Variants in ARAP2 observed in about 807,000 individuals in gnomAD.
The protein encoded by ARAP2 is arf-GAP with Rho-GAP domain, ANK repeat and PH domain-containing protein 2.
ARAP2 carries 148 observed loss-of-function variants against 194.5 expected under a neutral mutation model. The ratio of observed to expected loss-of-function variants is 0.76; its 90% CI spans 0.67 to 0.87. The LOEUF (loss-of-function observed/expected upper bound fraction) is 0.87, where lower values mean the gene tolerates loss of function less well. ARAP2 is among the 40% of genes least tolerant of loss of function. The probability of loss-of-function intolerance (pLI) is 0.00; values close to 1 mark genes in which losing one functional copy is unlikely to be tolerated. For synonymous variants in ARAP2, 695 were observed against 683.5 expected, an observed-to-expected ratio of 1.02 and a Z score of -0.26; for missense variants, 2,128 against 1,989.7, an observed-to-expected ratio of 1.07 and a Z score of -1.32.
intron 2 of ARAP2, among the ~76,000 whole-genome samples, chr4:36,055,481 C>T (rs1723334977): frequency 6.6e-6 from 1 of 152,162 alleles, no homozygotes; most frequent in South Asian, 2.1e-4. Context: ...TGTCTAATTT[C>T]CTGATTCAAC....
intron 3 of ARAP2, chr4:36,046,981 A>G (rs1272754445): frequency 6.6e-6 from 1 of 152,240 alleles, no homozygotes; most frequent in Non-Finnish European, 1.5e-5. Context: ...AGAAGCATAT[A>G]TTCCGGGTGC....
At chr4:36,190,099 G>C (rs542492757) in intron 7 of ARAP2, among the ~76,000 whole-genome samples, 1 of 152,264 alleles carries the variant, frequency 6.6e-6, no homozygotes, top group African/African-American at 2.4e-5. Context: ...CAGTGCCTTT[G>C]CATACACTGT....
intron 32 of ARAP2, among the ~76,000 whole-genome samples, chr4:36,071,921 A>G (rs1035121560): frequency 6.6e-6 from 1 of 151,716 alleles, no homozygotes; most frequent in Admixed American, 6.6e-5. Flanking sequence ...TCATTGTTCA[A>G]TTCCCACCTA....
At chr4:36,136,112 C>G (rs904435925) in intron 19 of ARAP2, among the ~76,000 whole-genome samples, 1 of 151,798 alleles carries the variant, frequency 6.6e-6, no homozygotes, top group Non-Finnish European at 1.5e-5. Flanking sequence ...GGTGCACTAA[C>G]TTTCCTCTCT....
chr4:36,110,634 C>T (rs1453653466), intron 26 of ARAP2, among the ~76,000 whole-genome samples: 4 of 151,782 alleles, frequency 2.6e-5, no homozygotes, highest in Non-Finnish European at 5.9e-5. Flanking sequence ...ATGTATATTT[C>T]ATACCAATGT....
chr4:36,089,414 T>C (rs1712904560), intron 28 of ARAP2, among the ~76,000 whole-genome samples: 1 of 152,140 alleles, frequency 6.6e-6, no homozygotes, highest in Admixed American at 6.6e-5. Flanking sequence ...CTTATGAACA[T>C]TCTTGTACAA....
intron 31 of ARAP2, among the ~76,000 whole-genome samples, chr4:36,077,886 T>G (rs966431069): frequency 8.5e-5 from 13 of 152,134 alleles, no homozygotes; most frequent in Non-Finnish European, 2.9e-5. Flanking sequence ...GCCCCATTCC[T>G]GAATGATCCT....
intron 27 of ARAP2, among the ~76,000 whole-genome samples, chr4:36,092,993 G>A (rs1360960697): frequency 5.3e-5 from 8 of 151,976 alleles, no homozygotes; most frequent in East Asian, 1.9e-4. Flanking sequence ...AAGAAAATAC[G>A]GTACATTTAC....
rs1725556443 is a variant in ARAP2, at chr4:36,066,761, A to G, written c.*1146T>C. 6.6e-6 allele frequency: 1 copy of G among 152,070 alleles called. No homozygotes were observed. 9.4% of individuals were successfully genotyped at this position (152,070 alleles called of 1,614,324 possible). ...AAAATAGGGCTTTGTCCTTATTCAT[A>G]AGTACAGGGAAGAGACCACACCTTT... On this transcript the variant is annotated 3_prime_UTR_variant, in exon 33 of 33. Transcript: ENST00000303965.
intron 10 of ARAP2, among the ~76,000 whole-genome samples, 169 bp from the exon 11 acceptor site, chr4:36,165,282 T>G (rs1248185377): frequency 6.6e-6 from 1 of 152,204 alleles, no homozygotes; most frequent in Non-Finnish European, 1.5e-5. Flanking sequence ...AACTTCGTCT[T>G]TTTTCCTTTT....
intron 5 of ARAP2, among the ~76,000 whole-genome samples, chr4:36,031,726 T>C (rs1718995569): frequency 6.6e-6 from 1 of 151,420 alleles, no homozygotes; most frequent in African/African-American, 2.4e-5. Context: ...TGGAGTGCAA[T>C]GGCATGATCT....
rs1185051940 is a variant in ARAP2 at position 36,068,607 on chromosome 4, ACT to A, written c.4744-331_4744-330del. ...CCCGGTTAGTGATGCGCGGTAGGAC[ACT>A]CTCTCGTGATGATGGGCAGTGGCAA... On this transcript the variant is annotated intron_variant, in intron 32 of 32. Transcript: ENST00000303965. 5.3e-5 allele frequency among the ~76,000 whole-genome samples: 8 copies of A among 152,166 alleles called. No individual in the cohort carries two copies. In the South Asian group the frequency reaches 1.5e-3, roughly 28 times the overall value.
At chr4:36,033,539 G>T (rs1258204414) in intron 5 of ARAP2, among the ~76,000 whole-genome samples, 1 of 142,648 alleles carries the variant, frequency 7.0e-6, no homozygotes, top group Non-Finnish European at 1.5e-5. Context: ...TATAGATTCT[G>T]TATATTAGAC....
At chr4:36,050,196 C>A (rs568885226) in intron 3 of ARAP2, among the ~76,000 whole-genome samples, 2 of 152,164 alleles carry the variant, frequency 1.3e-5, no homozygotes, top group African/African-American at 2.4e-5. Flanking sequence ...GTGTAATTAT[C>A]CAAATGCTTT....
At chr4:36,237,146 G>T (rs1351688366) in intron 1 of ARAP2, among the ~76,000 whole-genome samples, 1 of 152,200 alleles carries the variant, frequency 6.6e-6, no homozygotes, top group Non-Finnish European at 1.5e-5. Context: ...AAAACTTATT[G>T]TTGCATGTAT....
chr4:36,116,956 G>T, intron 25 of ARAP2, 105 bp downstream of exon 25: 1 of 629,696 alleles, frequency 1.6e-6, no homozygotes, highest in Non-Finnish European at 2.4e-6. Flanking sequence ...CGTTTGAACT[G>T]GAGAGGTAAT....
chr4:36,053,811 G>T (rs1010125924), intron 2 of ARAP2, among the ~76,000 whole-genome samples: 1 of 152,148 alleles, frequency 6.6e-6, no homozygotes, highest in South Asian at 2.1e-4. Context: ...AAGTTTATTC[G>T]CATTATGGAT....
intron 24 of ARAP2, 32 bp from the exon 25 acceptor site, chr4:36,117,167 A>C: frequency 6.8e-7 from 1 of 1,468,216 alleles, no homozygotes; most frequent in Non-Finnish European, 9.2e-7. Flanking sequence ...AACAACACAG[A>C]TAAACATATT....
At chr4:36,039,168 C>G (rs913806061) in intron 5 of ARAP2, among the ~76,000 whole-genome samples, 24 of 152,136 alleles carry the variant, frequency 1.6e-4, no homozygotes, top group Admixed American at 1.6e-3. Context: ...AACAGTGGCA[C>G]CTGCAGAGCT....
Sources: allele counts gnomAD v4.1 joint callset (sites outside exome capture counted in the v4.1 genomes callset), GRCh38; gene constraint gnomAD v4.1.1; transcripts MANE v1.5; gene names NCBI Gene and HGNC (gene_info 2026-07-23, HGNC 2026-07-21).